TNS1: variants seen among roughly 807,000 people sequenced by gnomAD.
The protein encoded by TNS1 is tensin-1.
A neutral mutation model predicts 168.6 loss-of-function variants in TNS1; 62 were observed. The observed-to-expected ratio is 0.37, with a 90% CI of 0.30 to 0.45. The LOEUF (loss-of-function observed/expected upper bound fraction) is 0.45, where lower values mean the gene tolerates loss of function less well. Ranked by LOEUF, TNS1 falls within the 20% of genes least tolerant of loss-of-function variation. The pLI is 1.00. For missense variants in TNS1, 2,240 were observed against 2,339.4 expected (o/e 0.96, Z 0.88); for synonymous variants, 934 against 933.2 (o/e 1.00, Z -0.02).
chr2:217,877,666 G>A (rs1950310215), intron 18 of TNS1, among the ~76,000 whole-genome samples: 1 of 152,210 alleles, frequency 6.6e-6, no homozygotes, highest in South Asian at 2.1e-4. Context: ...CTTGAACTTG[G>A]AGCTGGGTTG....
intron 22 of TNS1, among the ~76,000 whole-genome samples, chr2:217,826,103 G>A (rs1225382628): frequency 1.3e-5 from 2 of 152,094 alleles, no homozygotes; most frequent in African/African-American, 4.8e-5. Context: ...CTCTTCCTTG[G>A]TCAGCTGGTC....
chr2:217,816,094 G>T (rs1162383480), intron 24 of TNS1, among the ~76,000 whole-genome samples: 1 of 152,160 alleles, frequency 6.6e-6, no homozygotes, highest in Non-Finnish European at 1.5e-5. Context: ...ATAAAAGGAG[G>T]AATTCAGGGA....
intron 3 of TNS1, among the ~76,000 whole-genome samples, chr2:217,964,229 C>T (rs1271520107): frequency 6.6e-6 from 1 of 152,240 alleles, no homozygotes; most frequent in Non-Finnish European, 1.5e-5. Flanking sequence ...TTATCTATTG[C>T]TCTAAGCACT....
rs575160947 is a variant in TNS1, at chr2:217,980,544, G to C, written c.149-1742C>G. Among the ~76,000 whole-genome samples the C allele has an allele frequency of 1.7e-3, 254 of 149,190 alleles. 2 individuals carry two copies. Among genetic ancestry groups the C allele is most frequent in the Admixed American group, 3.1e-3 (46 of 15,014 alleles). ...AGAGAGAGAGAGAGAGAGAGAGAGA[G>C]AGGAGCCTGGTACACAGGAGAGGCT... is the stretch of plus-strand genomic sequence containing the variant. On this transcript the variant is annotated intron_variant, in intron 2 of 32. Transcript: ENST00000682258.
chr2:218,017,586 T>A (rs551843710), intron 1 of TNS1, among the ~76,000 whole-genome samples: 12 of 152,354 alleles, frequency 7.9e-5, no homozygotes, highest in African/African-American at 2.9e-4. Context: ...AAGAGAAGGA[T>A]CCAGGTGCAA....
At chr2:217,870,217 A>G (rs1200650596) in intron 18 of TNS1, among the ~76,000 whole-genome samples, 3 of 152,210 alleles carry the variant, frequency 2.0e-5, no homozygotes, top group African/African-American at 7.2e-5. Flanking sequence ...CGAGCCCCTT[A>G]CCCACGGGCT....
chr2:217,884,934 G>C (rs1951046873), intron 16 of TNS1, 101 bp downstream of exon 16: 3 of 1,461,840 alleles, frequency 2.1e-6, no homozygotes, highest in Non-Finnish European at 1.9e-6. Flanking sequence ...CAGACCACAT[G>C]GTCCAGAAAA....
chr2:217,837,566 G>A (rs1945343934), intron 19 of TNS1, among the ~76,000 whole-genome samples: 1 of 152,242 alleles, frequency 6.6e-6, no homozygotes, highest in African/African-American at 2.4e-5. Flanking sequence ...AGAGCAGCAG[G>A]ACTGGCATTT....
intron 3 of TNS1, among the ~76,000 whole-genome samples, chr2:217,933,503 G>A (rs1319900095): frequency 2.0e-5 from 3 of 152,160 alleles, no homozygotes; most frequent in Admixed American, 1.3e-4. Flanking sequence ...CATCAGCACC[G>A]CCAACACATC....
At chr2:218,019,216 G>T (rs998776865) in intron 1 of TNS1, among the ~76,000 whole-genome samples, 1 of 152,240 alleles carries the variant, frequency 6.6e-6, no homozygotes, top group African/African-American at 2.4e-5. Flanking sequence ...TAGACGGGGA[G>T]TGAGGGACTG....
chr2:217,871,918 G>A (rs1215930860), intron 18 of TNS1, among the ~76,000 whole-genome samples: 1 of 152,256 alleles, frequency 6.6e-6, no homozygotes, highest in Non-Finnish European at 1.5e-5. Context: ...AAGCTGGAAA[G>A]AGATCAGGCC....
intron 24 of TNS1, among the ~76,000 whole-genome samples, chr2:217,816,159 C>A (rs1341888067): frequency 6.6e-6 from 1 of 152,204 alleles, no homozygotes; most frequent in Admixed American, 6.5e-5. Context: ...GAGGCCCTAG[C>A]AGTCAGTTTA....
At chr2:218,000,671 C>G (rs771518166) in intron 1 of TNS1, among the ~76,000 whole-genome samples, 1 of 152,226 alleles carries the variant, frequency 6.6e-6, no homozygotes, top group Non-Finnish European at 1.5e-5. Context: ...CCTGCCCATA[C>G]CAAACGATGG....
At chr2:218,015,164 ACCCCTG>A (rs376442679), upstream of TNS1, among the ~76,000 whole-genome samples, 7 of 151,402 alleles carry the variant, frequency 4.6e-5, no homozygotes, top group South Asian at 1.5e-3. Flanking sequence ...TTAAACTTGA[ACCCCTG>A]CCCCTGCCCC....
At chr2:217,808,552 CGTCA>C (rs1559138140) in intron 31 of TNS1, 47 bp downstream of exon 31, 1 of 1,542,114 alleles carries the variant, frequency 6.5e-7, no homozygotes, top group South Asian at 1.1e-5. Flanking sequence ...CCCACACAGA[CGTCA>C]GTGTTAGAAA....
chr2:217,832,532 C>G (rs1010961139), intron 21 of TNS1, among the ~76,000 whole-genome samples: 2 of 152,204 alleles, frequency 1.3e-5, no homozygotes, highest in African/African-American at 2.4e-5. Context: ...GATACTCTGC[C>G]TGCCGAATGG....
intron 18 of TNS1, among the ~76,000 whole-genome samples, chr2:217,856,643 A>G (rs1039206760): frequency 6.6e-6 from 1 of 152,170 alleles, no homozygotes; most frequent in African/African-American, 2.4e-5. Context: ...AGTGCAGCCC[A>G]GGAGACTTAG....
At chr2:217,966,268 C>CGTGTGTGTGT (rs3838555) in intron 3 of TNS1, among the ~76,000 whole-genome samples, 391 of 140,806 alleles carry the variant, frequency 2.8e-3, no homozygotes, top group Non-Finnish European at 4.3e-3. Flanking sequence ...GAGCAGGCTG[C>CGTGTGTGTGT]GTGTGTGTGT....
At chr2:217,998,168 T>G (rs988955970) in intron 1 of TNS1, among the ~76,000 whole-genome samples, 1 of 152,102 alleles carries the variant, frequency 6.6e-6, no homozygotes, top group African/African-American at 2.4e-5. Context: ...CCCAAGAGCC[T>G]TTAGCTCCTG....
Sources: allele counts gnomAD v4.1 joint callset (sites outside exome capture counted in the v4.1 genomes callset), GRCh38; gene constraint gnomAD v4.1.1; transcripts MANE v1.5; gene names NCBI Gene and HGNC (gene_info 2026-07-23, HGNC 2026-07-21).